Variants in SHISA6 observed in about 807,000 individuals in gnomAD.
SHISA6 encodes the protein shisa family member 6, also known as protein shisa-6.
In SHISA6, 22 loss-of-function variants were observed where a neutral mutation model predicts 47.9. The ratio of observed to expected loss-of-function variants is 0.46; its 90% CI spans 0.33 to 0.66. The LOEUF is 0.66. Among genes scored for constraint, SHISA6 ranks in the 30% least tolerant of loss-of-function variants. The pLI, the probability that SHISA6 is intolerant of heterozygous loss-of-function variation, is 0.02. For synonymous variants in SHISA6, 388 were observed against 337.8 expected (o/e 1.15, Z -1.63); for missense variants, 680 against 764.6 (o/e 0.89, Z 1.30).
intron 2 of SHISA6, among the ~76,000 whole-genome samples, chr17:11,337,621 A>C (rs1487006256): frequency 6.6e-6 from 1 of 152,210 alleles, no homozygotes; most frequent in African/African-American, 2.4e-5. Flanking sequence ...CCTGTCTGAC[A>C]GACTTGTCTT....
intron 2 of SHISA6, among the ~76,000 whole-genome samples, chr17:11,267,655 T>C (rs1021049297): frequency 1.3e-5 from 2 of 152,142 alleles, no homozygotes; most frequent in Non-Finnish European, 2.9e-5. Flanking sequence ...AGCTGTCAAA[T>C]AAGGAAAAGA....
intron 2 of SHISA6, among the ~76,000 whole-genome samples, chr17:11,294,134 T>C (rs1157832702): frequency 3.3e-5 from 5 of 152,132 alleles, no homozygotes; most frequent in African/African-American, 7.2e-5. Flanking sequence ...TCCACTCACC[T>C]CGGCCTCCCA....
At chr17:11,424,707 A>G (rs1205748447) in intron 3 of SHISA6, among the ~76,000 whole-genome samples, 1 of 142,662 alleles carries the variant, frequency 7.0e-6, no homozygotes, top group Non-Finnish European at 1.6e-5. Flanking sequence ...TCTTTTTTTA[A>G]AATAAAAAAA....
chr17:11,382,927 CCTTTTTTT>C (rs1173770996), intron 3 of SHISA6, among the ~76,000 whole-genome samples: 3,637 of 128,244 alleles, frequency 0.028, 153 homozygotes, highest in African/African-American at 0.088. Flanking sequence ...GTCCTGTCAG[CCTTTTTTT>C]TTTTTTTTTT....
rs534144723 is a variant in SHISA6 at position 11,321,759 on chromosome 17, A to G, written c.800-57655A>G. 6.6e-5 allele frequency among the ~76,000 whole-genome samples: 10 copies of G among 152,200 alleles called. No individual in the cohort carries two copies. In the East Asian group the frequency reaches 1.9e-3, roughly 29 times the overall value. On this transcript the variant is annotated intron_variant, in intron 2 of 5. Transcript: ENST00000441885. ...TCTTTGCTTGGATTCCATTTCTTCTATAGCAAGCTTGTCCAACCTGTGGCC... is the reference window on the plus strand; with the variant it reads ...TCTTTGCTTGGATTCCATTTCTTCTGTAGCAAGCTTGTCCAACCTGTGGCC...
chr17:11,497,839 C>T (rs1378971802), intron 3 of SHISA6, among the ~76,000 whole-genome samples: 3 of 152,186 alleles, frequency 2.0e-5, no homozygotes, highest in African/African-American at 7.2e-5. Context: ...CCTCACCCCC[C>T]AGGCTTGCAG....
intron 3 of SHISA6, among the ~76,000 whole-genome samples, chr17:11,536,518 T>C (rs988871046): frequency 2.0e-5 from 3 of 152,196 alleles, no homozygotes; most frequent in South Asian, 2.1e-4. Flanking sequence ...GGTGCCTAGA[T>C]TGGAGCTTGA....
At chr17:11,250,517 G>A (rs1207346487) in intron 1 of SHISA6, among the ~76,000 whole-genome samples, 9 of 152,236 alleles carry the variant, frequency 5.9e-5, no homozygotes, top group African/African-American at 1.9e-4. Flanking sequence ...GTAAAGGCAG[G>A]TGACAAGGGT....
chr17:11,440,226 T>C (rs1915058894), intron 3 of SHISA6, among the ~76,000 whole-genome samples: 1 of 152,164 alleles, frequency 6.6e-6, no homozygotes, highest in Non-Finnish European at 1.5e-5. Context: ...AGTGCAGACA[T>C]AGAAGATTGG....
chr17:11,371,596 A>T (rs902444222), intron 2 of SHISA6, among the ~76,000 whole-genome samples: 1 of 152,172 alleles, frequency 6.6e-6, no homozygotes, highest in African/African-American at 2.4e-5. Context: ...AGGTATTAGT[A>T]TCTGTGTTTG....
chr17:11,444,778 C>T (rs1466447564), intron 3 of SHISA6, among the ~76,000 whole-genome samples: 1 of 152,120 alleles, frequency 6.6e-6, no homozygotes, highest in African/African-American at 2.4e-5. Context: ...GGTCACCAAA[C>T]AGTTAACAGA....
intron 3 of SHISA6, among the ~76,000 whole-genome samples, chr17:11,445,752 A>C (rs1915209839): frequency 6.6e-6 from 1 of 152,212 alleles, no homozygotes; most frequent in Non-Finnish European, 1.5e-5. Flanking sequence ...CTAAGGAGGT[A>C]ATCACTGGAA....
intron 3 of SHISA6, among the ~76,000 whole-genome samples, chr17:11,487,362 C>T (rs1302556605): frequency 6.6e-6 from 1 of 152,204 alleles, no homozygotes; most frequent in Non-Finnish European, 1.5e-5. Flanking sequence ...AAGTATATCT[C>T]AATTGTTATT....
At chr17:11,297,176 C>A (rs904434169) in intron 2 of SHISA6, among the ~76,000 whole-genome samples, 2 of 151,926 alleles carry the variant, frequency 1.3e-5, no homozygotes, top group South Asian at 2.1e-4. Context: ...CCAGATCATG[C>A]GTGTTTGCCA....
chr17:11,449,167 C>T (rs1449307972), intron 3 of SHISA6, among the ~76,000 whole-genome samples: 4 of 151,986 alleles, frequency 2.6e-5, no homozygotes, highest in East Asian at 3.9e-4. Context: ...TGGGGCTGGG[C>T]GTGGTGGCTC....
chr17:11,355,743 C>T (rs1286166950), intron 2 of SHISA6, among the ~76,000 whole-genome samples: 1 of 152,178 alleles, frequency 6.6e-6, no homozygotes, highest in Non-Finnish European at 1.5e-5. Flanking sequence ...TCCACATCGG[C>T]CAGCCTCTTG....
chr17:11,484,330 G>A (rs1486582701), intron 3 of SHISA6, among the ~76,000 whole-genome samples: 2 of 152,128 alleles, frequency 1.3e-5, no homozygotes, highest in Non-Finnish European at 2.9e-5. Flanking sequence ...GAACAAACTA[G>A]AGAGAAAGAT....
At chr17:11,385,936 C>T (rs539718447) in intron 3 of SHISA6, among the ~76,000 whole-genome samples, 9 of 151,106 alleles carry the variant, frequency 6.0e-5, no homozygotes, top group South Asian at 2.1e-4. Flanking sequence ...ACCACGAGAC[C>T]GAGGCTCGTG....
chr17:11,249,730 T>G (rs1178813283), intron 1 of SHISA6, among the ~76,000 whole-genome samples: 1 of 152,230 alleles, frequency 6.6e-6, no homozygotes, highest in Non-Finnish European at 1.5e-5. Flanking sequence ...TAACATATTT[T>G]AATTTTCCTA....
Sources: gnomAD v4.1 joint callset for allele counts (sites outside exome capture counted in the v4.1 genomes callset) on GRCh38, gnomAD v4.1.1 for gene constraint, MANE v1.5 for transcripts, NCBI Gene and HGNC (gene_info 2026-07-23, HGNC 2026-07-21) for gene names.